The following C1orf141 variants were observed in gnomAD, a reference collection of about 807,000 sequenced individuals.
C1orf141 encodes chromosome 1 open reading frame 141, also known as uncharacterized protein C1orf141.
C1orf141 carries 19 observed loss-of-function variants against 23.2 expected under a neutral mutation model. The observed-to-expected ratio is 0.82, with a 90% CI of 0.57 to 1.20. The LOEUF (loss-of-function observed/expected upper bound fraction) is 1.20, where lower values mean the gene tolerates loss of function less well. C1orf141 is among the 50% of genes most tolerant of loss of function. The probability of loss-of-function intolerance (pLI) is 0.00; values close to 1 mark genes in which losing one functional copy is unlikely to be tolerated. For synonymous variants in C1orf141, 153 were observed against 154.6 expected (o/e 0.99, Z 0.08); for missense variants, 469 against 455.1 (o/e 1.03, Z -0.28).
chr1:67,095,482 G>A, intron 6 of C1orf141, 61 bp from the exon 7 acceptor site: 1 of 959,026 alleles, frequency 1.0e-6, no homozygotes, highest in South Asian at 1.9e-5. Context: ...GTCAGTTCTT[G>A]TCTGCCTCCT....
chr1:67,111,086 T>C (rs1646060181), intron 5 of C1orf141, among the ~76,000 whole-genome samples: 1 of 151,984 alleles, frequency 6.6e-6, no homozygotes, highest in African/African-American at 2.4e-5. Flanking sequence ...CTCTTCAGCA[T>C]GCCCATGAAC....
chr1:67,141,053 G>C (rs9724915), intron 1 of C1orf141, among the ~76,000 whole-genome samples: 4,801 of 152,136 alleles, frequency 0.032, 249 homozygotes, highest in African/African-American at 0.11. Flanking sequence ...TGATGCAGCT[G>C]TTACAAGAGG....
chr1:67,110,792 C>T (rs1048643596), intron 5 of C1orf141, among the ~76,000 whole-genome samples: 6 of 151,106 alleles, frequency 4.0e-5, no homozygotes, highest in Non-Finnish European at 7.4e-5. Flanking sequence ...ATTAAATAAA[C>T]CATGTAGATG....
chr1:67,093,597 T>C lies in C1orf141; in HGVS notation c.611A>G (p.Lys204Arg). The change falls in exon 8 of 8, where the codon AAG (lysine) becomes AGG (arginine). Residue 204 changes from lysine to arginine, a missense_variant. By Grantham distance (26) the Lys-to-Arg change is conservative. This residue lies in a region of C1orf141 where 370 missense variants were observed against 348.1 expected (regional missense o/e 1.06). Coordinates refer to ENST00000684719, the MANE Select transcript of C1orf141 (RefSeq NM_001276351.2). ...TKTVTSHMEQ[K>R]DTNPIIFHDT... is the part of the protein sequence containing the mutation. ...ATGGAAAATTATGGGATTTGTGTCC[T>C]TTTGTTCCTGTAGATTAAAGAAAAG... 6.4e-7 allele frequency: 1 copy of C among 1,554,386 alleles called. No homozygotes were observed. The highest frequency in any genetic ancestry group is 8.7e-7 in the Non-Finnish European group (1 of 1,152,566).
At chr1:67,098,021 C>T (rs1645721066) in intron 5 of C1orf141, among the ~76,000 whole-genome samples, 1 of 152,192 alleles carries the variant, frequency 6.6e-6, no homozygotes, top group Non-Finnish European at 1.5e-5. Flanking sequence ...AGTCAAACCA[C>T]ACCAGAGATG....
chr1:67,107,367 T>C (rs1215762961), intron 5 of C1orf141, among the ~76,000 whole-genome samples: 1 of 152,070 alleles, frequency 6.6e-6, no homozygotes, highest in Admixed American at 6.6e-5. Context: ...AAGAATAAAA[T>C]GATAGACTTA....
chr1:67,115,529 A>AG (rs1428061080), intron 4 of C1orf141, 65 bp from the exon 5 acceptor site: 5 of 684,112 alleles, frequency 7.3e-6, no homozygotes, highest in Non-Finnish European at 1.2e-5. Context: ...AATCTAAAAA[A>AG]TAAATTTGGA....
chr1:67,103,431 G>A (rs541075654), intron 5 of C1orf141: 196 of 1,107,548 alleles, frequency 1.8e-4, no homozygotes, highest in South Asian at 3.3e-4. Context: ...ATTTCTTTCC[G>A]TGTATATTAA....
intron 4 of C1orf141, among the ~76,000 whole-genome samples, chr1:67,125,262 A>G (rs1320897861): frequency 6.6e-6 from 1 of 152,186 alleles, no homozygotes; most frequent in Non-Finnish European, 1.5e-5. Context: ...AAAATATTAT[A>G]CATAATAAAT....
chr1:67,111,501 T>G (rs1011013506), intron 5 of C1orf141: 1 of 526,264 alleles, frequency 1.9e-6, no homozygotes, highest in Non-Finnish European at 3.1e-6. Context: ...TTTGGATTTG[T>G]AGGAGCATAT....
intron 5 of C1orf141, among the ~76,000 whole-genome samples, chr1:67,105,577 C>T (rs1050444546): frequency 6.6e-6 from 1 of 151,984 alleles, no homozygotes; most frequent in Non-Finnish European, 1.5e-5. Context: ...CAGACCTACC[C>T]TCCCACAGAT....
intron 1 of C1orf141, among the ~76,000 whole-genome samples, chr1:67,133,100 AATTTT>A (rs1440640550): frequency 4.6e-5 from 7 of 152,226 alleles, no homozygotes; most frequent in Non-Finnish European, 4.4e-5. Flanking sequence ...TTAAGAGAAC[AATTTT>A]ATTTTAACAG....
chr1:67,093,661 A>C, intron 7 of C1orf141, 57 bp from the exon 8 acceptor site: 1 of 1,347,344 alleles, frequency 7.4e-7, no homozygotes, highest in South Asian at 1.7e-5. Flanking sequence ...AGAAAGCTCC[A>C]TATATTTTAA....
At position 67,131,228 on chromosome 1, in the gene C1orf141, C is replaced by G. The variant is rs1467935734; in HGVS notation, c.-103-1G>C. The G allele has an allele frequency of 6.6e-6, 1 of 151,916 alleles. No individual in the cohort carries two copies. The highest frequency in any genetic ancestry group is 2.4e-5 in the African/African-American group (1 of 41,336). The allele number at this position is 151,916 out of a possible 1,614,324, so 9.4% of individuals were successfully genotyped here. ...ACCAGGCTGGCCAACATGATGAAATCTATTAAAAAAAGAAAAATACAAAAA... is the reference window on the plus strand; with the variant it reads ...ACCAGGCTGGCCAACATGATGAAATGTATTAAAAAAAGAAAAATACAAAAA... On this transcript the variant is annotated splice_acceptor_variant, in intron 1 of 7. Coordinates refer to ENST00000684719, the MANE Select transcript of C1orf141 (RefSeq NM_001276351.2). LOFTEE classifies it low-confidence loss of function (5UTR_SPLICE).
At chr1:67,137,492 G>T (rs978032481), upstream of C1orf141, among the ~76,000 whole-genome samples, 1 of 152,112 alleles carries the variant, frequency 6.6e-6, no homozygotes, top group African/African-American at 2.4e-5. Context: ...AGGCATAATC[G>T]GTTGATTAAC....
chr1:67,101,860 G>C (rs569852146), intron 5 of C1orf141, among the ~76,000 whole-genome samples: 8 of 152,090 alleles, frequency 5.3e-5, no homozygotes, highest in Non-Finnish European at 7.4e-5. Flanking sequence ...TGAACTAATA[G>C]AACATCCTGT....
chr1:67,106,418 G>A (rs542020766), intron 5 of C1orf141, among the ~76,000 whole-genome samples: 45 of 152,200 alleles, frequency 3.0e-4, no homozygotes, highest in African/African-American at 9.4e-4. Flanking sequence ...AGGCTGAGGC[G>A]GGTGGATCAC....
At chr1:67,102,357 A>G (rs1037367206) in intron 5 of C1orf141, among the ~76,000 whole-genome samples, 2 of 150,606 alleles carry the variant, frequency 1.3e-5, no homozygotes, top group Non-Finnish European at 3.0e-5. Context: ...TGTAATATAA[A>G]AAGCATTTCT....
intron 4 of C1orf141, among the ~76,000 whole-genome samples, chr1:67,116,833 G>T (rs1470526720): frequency 6.6e-6 from 1 of 151,990 alleles, no homozygotes; most frequent in East Asian, 1.9e-4. Context: ...TTTCATTTCA[G>T]TCTCCACTCA....
Sources: gnomAD v4.1 joint callset for allele counts (sites outside exome capture counted in the v4.1 genomes callset) on GRCh38, gnomAD v4.1.1 for gene constraint, gnomAD v4.1.1 regional missense constraint, MANE v1.5 for transcripts, NCBI Gene and HGNC (gene_info 2026-07-23, HGNC 2026-07-21) for gene names.